TENM4: variants seen among roughly 807,000 people sequenced by gnomAD.
TENM4 encodes teneurin-4.
Under a neutral mutation model 243.3 loss-of-function variants are expected in TENM4, and 82 were observed. The observed-to-expected ratio is 0.34, with a 90% CI of 0.28 to 0.40. The LOEUF is 0.40. TENM4 is among the 10% of genes least tolerant of loss of function. The pLI is 1.00. For missense variants in TENM4, 3,138 were observed against 3,673.3 expected, an observed-to-expected ratio of 0.85 and a Z score of 3.77; for synonymous variants, 1,412 against 1,456.3, an observed-to-expected ratio of 0.97 and a Z score of 0.69.
chr11:78,740,454 A>G (rs527309318), intron 19 of TENM4, among the ~76,000 whole-genome samples: 9 of 151,852 alleles, frequency 5.9e-5, no homozygotes, highest in African/African-American at 2.2e-4. Context: ...ATGCAATTAC[A>G]CGGCAAACAA....
chr11:79,237,056 T>C (rs1461748715), intron 2 of TENM4, among the ~76,000 whole-genome samples: 2 of 152,180 alleles, frequency 1.3e-5, no homozygotes, highest in Non-Finnish European at 2.9e-5. Context: ...TTGCAGGCCA[T>C]CTAATATCCT....
chr11:78,750,114 G>A (rs1565362654), intron 19 of TENM4, among the ~76,000 whole-genome samples: 1 of 152,172 alleles, frequency 6.6e-6, no homozygotes, highest in Admixed American at 6.5e-5. Flanking sequence ...GCTCACACTG[G>A]TTCTGCAGTA....
At chr11:79,252,227 G>A (rs772618080) in intron 2 of TENM4, among the ~76,000 whole-genome samples, 3 of 152,158 alleles carry the variant, frequency 2.0e-5, no homozygotes, top group African/African-American at 2.4e-5. Context: ...AGGATGCTGC[G>A]AAGAAGTTCT....
chr11:79,060,742 G>A (rs987685185), intron 6 of TENM4, among the ~76,000 whole-genome samples: 1 of 152,154 alleles, frequency 6.6e-6, no homozygotes, highest in African/African-American at 2.4e-5. Flanking sequence ...GGAGCCTCAG[G>A]TTTCCCATTT....
chr11:78,794,749 C>T (rs1020043717), intron 15 of TENM4, among the ~76,000 whole-genome samples: 3 of 152,180 alleles, frequency 2.0e-5, no homozygotes, highest in African/African-American at 7.2e-5. Context: ...AGAGAACTGG[C>T]ACTGGGTAGG....
rs568894860 is a variant in TENM4 at position 78,980,860 on chromosome 11, ACTTTAT to A, written c.494-77343_494-77338del. Among the ~76,000 whole-genome samples, 50 of 152,324 alleles carry A rather than the reference ACTTTAT, an allele frequency of 3.3e-4. No homozygotes were observed. In the South Asian group the frequency reaches 5.2e-3, roughly 16 times the overall value. On this transcript the variant is annotated intron_variant, in intron 6 of 33. Coordinates refer to ENST00000278550, the MANE Select transcript of TENM4 (RefSeq NM_001098816.3). ...TCTGTGCCAGGTATGGTGTTGATAT[ACTTTAT>A]CTTTAATTCCCACAGAAACCTTTGG...
At position 78,855,595 on chromosome 11, in the gene TENM4, A is replaced by G. The variant is rs1349901534; in HGVS notation, c.1470+369T>C. On this transcript the variant is annotated intron_variant, in intron 11 of 33. Transcript: ENST00000278550. ...CTTATAGATGAGGAAACTTGCTCTG[A>G]GAAGCTAAGTGATGGAGCCAAGGTT... Among the ~76,000 whole-genome samples, 9 of 152,230 alleles carry G rather than the reference A, an allele frequency of 5.9e-5. No homozygotes were observed. In the East Asian group the frequency reaches 1.7e-3, roughly 29 times the overall value.
At chr11:78,898,179 C>T (rs1194597480) in intron 7 of TENM4, among the ~76,000 whole-genome samples, 1 of 152,178 alleles carries the variant, frequency 6.6e-6, no homozygotes, top group Non-Finnish European at 1.5e-5. Context: ...CACAGGTAGG[C>T]CCAGGCTCCT....
At chr11:79,335,044 G>C (rs574113281) in intron 1 of TENM4, among the ~76,000 whole-genome samples, 1 of 152,308 alleles carries the variant, frequency 6.6e-6, no homozygotes, top group South Asian at 2.1e-4. Context: ...AAATATTCCT[G>C]AAAACTCCAG....
At chr11:79,245,096 C>T (rs959624707) in intron 2 of TENM4, among the ~76,000 whole-genome samples, 8 of 152,152 alleles carry the variant, frequency 5.3e-5, no homozygotes, top group African/African-American at 1.9e-4. Flanking sequence ...CTGTTTATGG[C>T]CATGGTGCTC....
intron 15 of TENM4, among the ~76,000 whole-genome samples, chr11:78,788,324 G>C (rs925848224): frequency 9.2e-5 from 14 of 152,242 alleles, no homozygotes; most frequent in African/African-American, 3.1e-4. Context: ...TCCTGTGCCA[G>C]ACATCCTGCC....
chr11:79,072,563 T>C (rs768065113), intron 4 of TENM4, among the ~76,000 whole-genome samples: 1 of 152,198 alleles, frequency 6.6e-6, no homozygotes, highest in Non-Finnish European at 1.5e-5. Flanking sequence ...TGTGTTTACA[T>C]GTATAAAAGA....
intron 20 of TENM4, among the ~76,000 whole-genome samples, chr11:78,736,872 G>C (rs1207877367): frequency 1.3e-5 from 2 of 152,158 alleles, no homozygotes; most frequent in Non-Finnish European, 2.9e-5. Context: ...AATTTAGGAG[G>C]ATGATGCAGG....
intron 3 of TENM4, among the ~76,000 whole-genome samples, chr11:79,189,205 C>A (rs1043573474): frequency 6.6e-6 from 1 of 152,046 alleles, no homozygotes; most frequent in Non-Finnish European, 1.5e-5. Context: ...AGTTTCAATT[C>A]CCACATTCAT....
intron 6 of TENM4, among the ~76,000 whole-genome samples, chr11:78,962,486 T>C (rs1192320971): frequency 2.2e-5 from 3 of 134,704 alleles, no homozygotes; most frequent in African/African-American, 8.2e-5. Flanking sequence ...GGCGATCTAC[T>C]GCACACGTGG....
At chr11:79,221,466 A>T (rs1864153417) in intron 2 of TENM4, among the ~76,000 whole-genome samples, 1 of 151,840 alleles carries the variant, frequency 6.6e-6, no homozygotes, top group African/African-American at 2.4e-5. Flanking sequence ...GGGGAAAAAA[A>T]AACATCCACA....
At chr11:79,399,995 C>A (rs2135554139) in intron 1 of TENM4, among the ~76,000 whole-genome samples, 1 of 152,062 alleles carries the variant, frequency 6.6e-6, no homozygotes, top group Non-Finnish European at 1.5e-5. Flanking sequence ...CTTTAAACAA[C>A]CCTGACAAAC....
At chr11:79,311,470 C>A (rs953954554) in intron 1 of TENM4, among the ~76,000 whole-genome samples, 3 of 152,174 alleles carry the variant, frequency 2.0e-5, no homozygotes, top group Non-Finnish European at 2.9e-5. Flanking sequence ...ACAGACACAG[C>A]GGATGTGCTA....
At chr11:79,338,978 C>CT (rs1293186991) in intron 1 of TENM4, among the ~76,000 whole-genome samples, 6 of 152,222 alleles carry the variant, frequency 3.9e-5, no homozygotes, top group Non-Finnish European at 7.3e-5. Context: ...AACCCAAAGG[C>CT]CGAGCCTTGA....
Sources: allele counts gnomAD v4.1 joint callset (sites outside exome capture counted in the v4.1 genomes callset), GRCh38; gene constraint gnomAD v4.1.1; transcripts MANE v1.5; gene names NCBI Gene and HGNC (gene_info 2026-07-23, HGNC 2026-07-21).